LRWD1: variants seen among roughly 807,000 people sequenced by gnomAD.
The protein encoded by LRWD1 is leucine rich repeats and WD repeat domain containing 1.
LRWD1 carries 76 observed loss-of-function variants against 75.6 expected under a neutral mutation model. The observed-to-expected ratio is 1.01, with a 90% CI of 0.84 to 1.22. LRWD1 has a LOEUF of 1.22. Among genes scored for constraint, LRWD1 ranks in the 50% most tolerant of loss-of-function variants. The pLI is 0.00. For missense variants in LRWD1, 917 were observed against 862.0 expected, an observed-to-expected ratio of 1.06 and a Z score of -0.80; for synonymous variants, 487 against 377.0, an observed-to-expected ratio of 1.29 and a Z score of -3.38.
In LRWD1 at chr7:102,465,173, C is replaced by A; in HGVS notation, c.80+13C>A. 6.7e-7 allele frequency: 1 copy of A among 1,487,324 alleles called. No individual in the cohort carries two copies. The allele number at this position is 1,487,324 out of a possible 1,614,324, so 92.1% of individuals were successfully genotyped here. On this transcript the variant is annotated intron_variant, in intron 1 of 14. Coordinates refer to ENST00000292616, the MANE Select transcript of LRWD1 (RefSeq NM_152892.3). ...TCCGGAGTCTGGAGTAAGAGCCGGG[C>A]AGCGGGTGAGGCTGTGTCCTCGGGG...
chr7:102,465,907 C>T lies in LRWD1; in HGVS notation c.171C>T (p.Asn57=), dbSNP rs1354005813. 4 of 1,613,780 alleles carry T rather than the reference C, an allele frequency of 2.5e-6. No homozygotes were observed. The highest frequency in any genetic ancestry group is 2.7e-5 in the African/African-American group (2 of 75,040). The change falls in exon 2 of 15, where the codon AAC becomes AAT. Residue 57 remains asparagine, a synonymous_variant. Coordinates refer to ENST00000292616, the MANE Select transcript of LRWD1 (RefSeq NM_152892.3). ...TQLQELDLSN[N]HLETLPDNLG... ...TGCAGGAGCTTGACCTGTCTAACAA[C>T]CACCTGGAGACGCTGCCGGACAACC...
At position 102,468,990 on chromosome 7, in the gene LRWD1, G is replaced by T; in HGVS notation, c.1156G>T (p.Gly386Trp). 6.2e-7 allele frequency: 1 copy of T among 1,612,808 alleles called. No homozygotes were observed. The highest frequency in any genetic ancestry group is 8.5e-7 in the Non-Finnish European group (1 of 1,179,774). ...GCACGTGCGTGCCGGCTTCTGCTGC[G>T]GGGTCATCCGAGCCCACAAGAAGGC... ...LLHVRAGFCCGVIRAHKKAIA... is the reference protein window; with the variant it reads ...LLHVRAGFCCWVIRAHKKAIA... The change falls in exon 9 of 15, where the codon GGG becomes TGG. Residue 386 changes from glycine (G) to tryptophan (W), a missense_variant. Gly to Trp is a radical substitution (Grantham distance 184). Coordinates refer to ENST00000292616, the MANE Select transcript of LRWD1 (RefSeq NM_152892.3).
chr7:102,466,175 T>C lies in LRWD1; in HGVS notation c.337T>C (p.Ser113Pro). The C allele has an allele frequency of 6.2e-7, 1 of 1,614,156 alleles. No individual in the cohort carries two copies. The highest frequency in any genetic ancestry group is 8.5e-7 in the Non-Finnish European group (1 of 1,180,034). The change falls in exon 3 of 15, where the codon TCC becomes CCC. Residue 113 changes from serine to proline, a missense_variant. Coordinates refer to ENST00000292616, the MANE Select transcript of LRWD1 (RefSeq NM_152892.3). ...CCAGGTCAATGACAACCTGAAAGTC[T>C]CCTTTCTCCTGCCCACGCTCCGTAA... ...FLTVNDNLKVSFLLPTLRKVN... is the reference protein window; with the variant it reads ...FLTVNDNLKVPFLLPTLRKVN...
chr7:102,467,575 TG>T, intron 4 of LRWD1, 96 bp downstream of exon 4: 1 of 1,554,594 alleles, frequency 6.4e-7, no homozygotes. Context: ...GCTGTGGGAG[TG>T]GGGTGAGTCA....
Position 102,472,541 on chromosome 7 carries a change from T to C in LRWD1, c.1622T>C (p.Val541Ala). 1 of 1,588,374 alleles carries C rather than the reference T, an allele frequency of 6.3e-7. No homozygotes were observed. The highest frequency in any genetic ancestry group is 1.7e-4 in the Middle Eastern group (1 of 6,022). The change falls in exon 13 of 15, where the codon GTG becomes GCG. Residue 541 changes from valine to alanine, a missense_variant. Coordinates refer to ENST00000292616, the MANE Select transcript of LRWD1 (RefSeq NM_152892.3). ...CGGGGCAGCCAGTCCACGGTGGCAG[T>C]GGTGGTCCTGGCGCGGCTGCAATGG... ...GGRGSQSTVA[V>A]VVLARLQWSS...
In LRWD1 at chr7:102,473,112, G is replaced by A. The variant is rs113355882; in HGVS notation, c.*63G>A. The A allele has an allele frequency of 3.6e-6, 5 of 1,407,448 alleles. No homozygotes were observed. The highest frequency in any genetic ancestry group is 4.8e-6 in the Non-Finnish European group (5 of 1,047,546). The allele number at this position is 1,407,448 out of a possible 1,614,324, so 87.2% of individuals were successfully genotyped here. A position where few individuals can be genotyped will look rare whatever the true frequency, so the allele number is the denominator to read the frequency against. ...TAACTTATTCAGCTTTGGGCCGATGGGGGTGGGGGGGGGTCTTTCAGTGAA... is the reference window on the plus strand; with the variant it reads ...TAACTTATTCAGCTTTGGGCCGATGAGGGTGGGGGGGGGTCTTTCAGTGAA... On this transcript the variant is annotated 3_prime_UTR_variant, in exon 15 of 15. Coordinates refer to ENST00000292616, the MANE Select transcript of LRWD1 (RefSeq NM_152892.3).
chr7:102,465,005 C>G lies in LRWD1; in HGVS notation c.-76C>G, dbSNP rs978815262. 18 of 1,368,900 alleles carry G rather than the reference C, an allele frequency of 1.3e-5. No homozygotes were observed. In the African/African-American group the frequency reaches 1.8e-4, roughly 14 times the overall value. 84.8% of individuals were successfully genotyped at this position (1,368,900 alleles called of 1,614,324 possible). A position where few individuals can be genotyped will look rare whatever the true frequency, so the allele number is the denominator to read the frequency against. ...GCTCAGTTACCGCGGACGCCAGTGC[C>G]GGGCTCCAGGAGACGCAGGGCGACG... On this transcript the variant is annotated 5_prime_UTR_variant, in exon 1 of 15. Coordinates refer to ENST00000292616, the MANE Select transcript of LRWD1 (RefSeq NM_152892.3).
chr7:102,468,308 A>C lies in LRWD1; in HGVS notation c.850A>C (p.Lys284Gln). ...EPLHFLQCHS[K>Q]NNSPQDLETQ... ...CCTGCACTTCCTGCAGTGCCACAGCAAGAACAACAGCCCCCAGGACCTCGA... is the reference window on the plus strand; with the variant it reads ...CCTGCACTTCCTGCAGTGCCACAGCCAGAACAACAGCCCCCAGGACCTCGA... The change falls in exon 7 of 15, where the codon AAG becomes CAG. Residue 284 changes from lysine (K) to glutamine (Q), a missense_variant. Physicochemically the swap from Lys to Gln is moderately conservative, Grantham distance 53. Transcript: ENST00000292616. 1 of 1,612,770 alleles carries C rather than the reference A, an allele frequency of 6.2e-7. No individual in the cohort carries two copies.
chr7:102,469,465 G>T, intron 9 of LRWD1, 109 bp from the exon 10 acceptor site: 1 of 1,283,862 alleles, frequency 7.8e-7, no homozygotes, highest in Admixed American at 1.9e-5. Context: ...CGCCCTCCCC[G>T]CCTCGGAGGG....
chr7:102,467,118 G>GGTGT (rs60020010), intron 3 of LRWD1, among the ~76,000 whole-genome samples: 3,151 of 114,444 alleles, frequency 0.028, 249 homozygotes, highest in African/African-American at 0.098. Flanking sequence ...TTGTTGCTGG[G>GGTGT]GTGTGTGTGT....
chr7:102,472,802 C>G lies in LRWD1; in HGVS notation c.1801C>G (p.Gln601Glu). 1.9e-6 allele frequency: 3 copies of G among 1,613,346 alleles called. No homozygotes were observed. The highest frequency in any genetic ancestry group is 2.2e-5 in the South Asian group (2 of 91,074). The change falls in exon 14 of 15, where the codon CAG becomes GAG. Residue 601 changes from glutamine to glutamate, a missense_variant and splice_region_variant. Coordinates refer to ENST00000292616, the MANE Select transcript of LRWD1 (RefSeq NM_152892.3). ...GCCGGCAGCCCTGCAGGCCCCCACA[C>G]AGGTACTGCCCGGCTCACCCTGCCC... ...LLPAALQAPT[Q>E]ILKWPQPWAL...
chr7:102,466,308 G>A (rs1481784905), intron 3 of LRWD1, 38 bp downstream of exon 3: 1 of 1,518,012 alleles, frequency 6.6e-7, no homozygotes, highest in Non-Finnish European at 9.1e-7. Flanking sequence ...CTTAGGAGCT[G>A]TGGGGGCATT....
rs113009525 is a variant in LRWD1, at chr7:102,465,173, C to T, written c.80+13C>T. 8 of 1,487,324 alleles carry T rather than the reference C, an allele frequency of 5.4e-6. No homozygotes were observed. In the African/African-American group the frequency reaches 5.8e-5, roughly 11 times the overall value. The allele number at this position is 1,487,324 out of a possible 1,614,324, so 92.1% of individuals were successfully genotyped here. ...TCCGGAGTCTGGAGTAAGAGCCGGG[C>T]AGCGGGTGAGGCTGTGTCCTCGGGG... On this transcript the variant is annotated intron_variant, in intron 1 of 14. Coordinates refer to ENST00000292616, the MANE Select transcript of LRWD1 (RefSeq NM_152892.3).
chr7:102,472,542 G>A lies in LRWD1; in HGVS notation c.1623G>A (p.Val541=). The A allele has an allele frequency of 6.3e-7, 1 of 1,589,256 alleles. No homozygotes were observed. The highest frequency in any genetic ancestry group is 1.3e-5 in the African/African-American group (1 of 74,678). The change falls in exon 13 of 15, where the codon GTG becomes GTA. Residue 541 remains valine (V), a synonymous_variant. Transcript: ENST00000292616. ...GGRGSQSTVA[V]VVLARLQWSS... ...GGGGCAGCCAGTCCACGGTGGCAGTGGTGGTCCTGGCGCGGCTGCAATGGT... is the reference window on the plus strand; with the variant it reads ...GGGGCAGCCAGTCCACGGTGGCAGTAGTGGTCCTGGCGCGGCTGCAATGGT...
At position 102,473,007 on chromosome 7, in the gene LRWD1, C is replaced by T. The variant is rs1044531869; in HGVS notation, c.1902C>T (p.Ala634=). Residue 634 remains alanine (A), a synonymous_variant, in exon 15 of 15, where the codon GCC becomes GCT. Coordinates refer to ENST00000292616, the MANE Select transcript of LRWD1 (RefSeq NM_152892.3). The part of the protein sequence containing the change: ...VANASFTYLT[A]LTDSNIVAIW... The stretch of plus-strand genomic sequence containing the variant: ...ATGCCTCCTTCACCTACCTCACCGC[C>T]CTGACGGACTCCAACATCGTAGCCA... 5.6e-6 allele frequency: 9 copies of T among 1,613,978 alleles called. No homozygotes were observed. The highest frequency in any genetic ancestry group is 6.8e-6 in the Non-Finnish European group (8 of 1,180,006).
At position 102,465,028 on chromosome 7, in the gene LRWD1, A is replaced by T. The variant is rs1797913873; in HGVS notation, c.-53A>T. 1 of 1,408,486 alleles carries T rather than the reference A, an allele frequency of 7.1e-7. No homozygotes were observed. The highest frequency in any genetic ancestry group is 9.3e-7 in the Non-Finnish European group (1 of 1,077,394). 87.2% of individuals were successfully genotyped at this position (1,408,486 alleles called of 1,614,324 possible). On this transcript the variant is annotated 5_prime_UTR_variant, in exon 1 of 15. Transcript: ENST00000292616. Reference sequence around the variant, plus strand: ...GCCGGGCTCCAGGAGACGCAGGGCGACGCCACACGCCGGGGTGGCCGACTG... The same window carrying T: ...GCCGGGCTCCAGGAGACGCAGGGCGTCGCCACACGCCGGGGTGGCCGACTG...
intron 3 of LRWD1, among the ~76,000 whole-genome samples, chr7:102,466,537 C>G (rs1231455279): frequency 6.6e-6 from 1 of 152,152 alleles, no homozygotes. Flanking sequence ...GCCTCAGCCT[C>G]CCGAGTAACT....
chr7:102,466,811 C>T lies in LRWD1; in HGVS notation c.433-528C>T, dbSNP rs529851100. ...TTTTTTTTTTTTAGAGACAGGGTCT[C>T]GCTCTGCTGCCCATGTTGAAGTGCA... On this transcript the variant is annotated intron_variant, in intron 3 of 14. Transcript: ENST00000292616. Among the ~76,000 whole-genome samples the T allele has an allele frequency of 1.2e-4, 15 of 129,464 alleles. 1 individual carries two copies. The South Asian group carries it at 2.1e-3, about 18-fold the overall frequency. 84.9% of individuals were successfully genotyped at this position (129,464 alleles called of 152,430 possible).
chr7:102,469,692 G>A (rs780213271), intron 10 of LRWD1, 46 bp downstream of exon 10: 4 of 1,613,780 alleles, frequency 2.5e-6, no homozygotes, highest in East Asian at 4.5e-5. Flanking sequence ...GCTGGGGCAG[G>A]GACACCTCGG....
Sources: allele counts gnomAD v4.1 joint callset (sites outside exome capture counted in the v4.1 genomes callset), GRCh38; gene constraint gnomAD v4.1.1; transcripts MANE v1.5; gene names NCBI Gene and HGNC (gene_info 2026-07-23, HGNC 2026-07-21).